The following INPP4A variants were observed in gnomAD, a reference collection of about 807,000 sequenced individuals.
INPP4A encodes the protein inositol polyphosphate-4-phosphatase, type I, 107kD.
A neutral mutation model predicts 119.8 loss-of-function variants in INPP4A; 33 were observed. The observed-to-expected ratio is 0.28, with a 90% CI of 0.21 to 0.37. The LOEUF is 0.37. INPP4A is among the 10% of genes least tolerant of loss of function. The pLI, the probability that INPP4A is intolerant of heterozygous loss-of-function variation, is 1.00. For synonymous variants in INPP4A, 496 were observed against 500.7 expected (o/e 0.99, Z 0.12); for missense variants, 956 against 1,289.9 (o/e 0.74, Z 3.97).
chr2:98,472,986 G>T lies in INPP4A; in HGVS notation c.-166+27901G>T, dbSNP rs372105240. Among the ~76,000 whole-genome samples the T allele has an allele frequency of 3.1e-4, 47 of 151,130 alleles. No individual in the cohort carries two copies. The East Asian group carries it at 6.6e-3, about 21-fold the overall frequency. ...GAGTGAGGAGGGCAGTGCGGGTGCA[G>T]TGTAGAGTGAGGAGGGCAGTGTGGG... On this transcript the variant is annotated intron_variant, in intron 1 of 24. Transcript: ENST00000409851.
chr2:98,484,442 C>T (rs374047827), intron 1 of INPP4A, among the ~76,000 whole-genome samples: 10 of 152,166 alleles, frequency 6.6e-5, no homozygotes, highest in African/African-American at 2.4e-4. Flanking sequence ...GCTCAAAGTC[C>T]AGAATGCAGT....
chr2:98,578,158 G>A (rs1163995746), intron 24 of INPP4A, among the ~76,000 whole-genome samples: 1 of 152,200 alleles, frequency 6.6e-6, no homozygotes, highest in Non-Finnish European at 1.5e-5. Flanking sequence ...GCTCAGGGAA[G>A]CAATGGAGAC....
At chr2:98,483,422 TG>T (rs1305918136) in intron 1 of INPP4A, among the ~76,000 whole-genome samples, 1 of 152,190 alleles carries the variant, frequency 6.6e-6, no homozygotes, top group Non-Finnish European at 1.5e-5. Flanking sequence ...GCTGCAGGGC[TG>T]CCCCAGGCGG....
chr2:98,552,997 G>C lies in INPP4A; in HGVS notation c.1347+28G>C, dbSNP rs760051489. On this transcript the variant is annotated intron_variant, in intron 14 of 24. Transcript: ENST00000409851. ...AGGAGGGGTGCCCTGCTACATATGG[G>C]CTGGGGAGTTTCCTTGGGTTTCTGG... 9 of 1,570,608 alleles carry C rather than the reference G, an allele frequency of 5.7e-6. No homozygotes were observed. The South Asian group carries it at 1.1e-4, about 18-fold the overall frequency.
intron 1 of INPP4A, among the ~76,000 whole-genome samples, chr2:98,457,611 A>G (rs1165476959): frequency 6.6e-6 from 1 of 152,230 alleles, no homozygotes; most frequent in Admixed American, 6.5e-5. Flanking sequence ...GACTACTGTA[A>G]TGAATACAAA....
At chr2:98,463,371 G>A (rs2104684801) in intron 1 of INPP4A, among the ~76,000 whole-genome samples, 1 of 152,352 alleles carries the variant, frequency 6.6e-6, no homozygotes, top group African/African-American at 2.4e-5. Context: ...CTGTGATGGT[G>A]TCTCGCTGAG....
intron 1 of INPP4A, among the ~76,000 whole-genome samples, chr2:98,463,767 G>A (rs2104692718): frequency 6.6e-6 from 1 of 152,324 alleles, no homozygotes; most frequent in South Asian, 2.1e-4. Context: ...GGGCAGACCA[G>A]AGCCATGAGC....
At chr2:98,531,975 T>C (rs1231137573) in intron 4 of INPP4A, among the ~76,000 whole-genome samples, 2 of 152,198 alleles carry the variant, frequency 1.3e-5, no homozygotes, top group African/African-American at 4.8e-5. Flanking sequence ...ATGTGTATGC[T>C]AACAAAGGAG....
At position 98,572,812 on chromosome 2, in the gene INPP4A, C is replaced by T. The variant is rs1290460707; in HGVS notation, c.2519-3C>T. 6.5e-7 allele frequency: 1 copy of T among 1,548,522 alleles called. No homozygotes were observed. Among genetic ancestry groups the T allele is most frequent in the Middle Eastern group, 1.8e-4 (1 of 5,528 alleles). ...ACTCCCACGAACTCCTTTTCTCTTC[C>T]AGGCCTGCCTCGGTCTCGCAGTCAG... On this transcript the variant is annotated splice_polypyrimidine_tract_variant and splice_region_variant and intron_variant, in intron 22 of 24. Transcript: ENST00000409851.
chr2:98,465,411 C>T (rs1674534237), intron 1 of INPP4A, among the ~76,000 whole-genome samples: 1 of 152,238 alleles, frequency 6.6e-6, no homozygotes, highest in South Asian at 2.1e-4. Flanking sequence ...GCATTTGGGG[C>T]CTACCAGTGT....
intron 4 of INPP4A, among the ~76,000 whole-genome samples, chr2:98,531,792 C>T (rs1271738752): frequency 1.3e-5 from 2 of 152,210 alleles, no homozygotes; most frequent in African/African-American, 4.8e-5. Flanking sequence ...AGAATGTCAG[C>T]ACCACACTTA....
At chr2:98,494,812 G>A (rs1681600404) in intron 1 of INPP4A, among the ~76,000 whole-genome samples, 1 of 152,188 alleles carries the variant, frequency 6.6e-6, no homozygotes, top group African/African-American at 2.4e-5. Flanking sequence ...GTAGAACAAT[G>A]TATGCCCTAG....
Position 98,572,945 on chromosome 2 carries a change from G to C in INPP4A, c.2631+18G>C. On this transcript the variant is annotated intron_variant, in intron 23 of 24. Coordinates refer to ENST00000409851, the MANE Select transcript of INPP4A (RefSeq NM_001134225.2). Reference sequence around the variant, plus strand: ...CTGCTGAGGTACTGGTTACAGAGAGGAAAAGGAGGCTATTGCGGTGCCCAC... The same window carrying C: ...CTGCTGAGGTACTGGTTACAGAGAGCAAAAGGAGGCTATTGCGGTGCCCAC... The C allele has an allele frequency of 6.5e-7, 1 of 1,537,268 alleles. No individual in the cohort carries two copies. The highest frequency in any genetic ancestry group is 8.8e-7 in the Non-Finnish European group (1 of 1,132,434).
At chr2:98,482,607 C>G (rs988584430) in intron 1 of INPP4A, among the ~76,000 whole-genome samples, 2 of 152,224 alleles carry the variant, frequency 1.3e-5, no homozygotes, top group Non-Finnish European at 2.9e-5. Flanking sequence ...AGGTGTCTCC[C>G]CAGTGGGCCT....
chr2:98,558,243 A>G (rs1192919676), intron 16 of INPP4A, among the ~76,000 whole-genome samples: 1 of 152,184 alleles, frequency 6.6e-6, no homozygotes, highest in African/African-American at 2.4e-5. Context: ...ATCACCACAG[A>G]AGCTCATAAA....
intron 4 of INPP4A, among the ~76,000 whole-genome samples, chr2:98,522,554 C>T (rs1426383786): frequency 1.3e-5 from 2 of 151,568 alleles, no homozygotes; most frequent in African/African-American, 4.8e-5. Context: ...GAGAGTAAAT[C>T]CAGAAGGTCC....
intron 23 of INPP4A, among the ~76,000 whole-genome samples, chr2:98,576,561 CTG>C (rs1443977271): frequency 1.3e-5 from 2 of 152,192 alleles, no homozygotes; most frequent in African/African-American, 2.4e-5. Flanking sequence ...TGGCCCAGGA[CTG>C]TGGGCATCCT....
chr2:98,538,919 C>T lies in INPP4A; in HGVS notation c.608C>T (p.Thr203Met), dbSNP rs755466013. ...RMVLPVDESL[T>M]EALGIRSKYA... The stretch of plus-strand genomic sequence containing the variant: ...GTTCTTCCTGTCGATGAGAGCTTGA[C>T]GGAGGCGTTAGGAATCCGATCCAAA... Residue 203 changes from threonine to methionine, a missense_variant, in exon 9 of 25, where the codon ACG becomes ATG. Transcript: ENST00000409851. The T allele has an allele frequency of 9.3e-6, 15 of 1,610,406 alleles. No individual in the cohort carries two copies. The highest frequency in any genetic ancestry group is 8.9e-5 in the East Asian group (4 of 44,886).
At chr2:98,545,485 G>C (rs902690552) in intron 11 of INPP4A, among the ~76,000 whole-genome samples, 15 of 152,160 alleles carry the variant, frequency 9.9e-5, no homozygotes, top group African/African-American at 3.6e-4. Flanking sequence ...GGATGAGAAG[G>C]CCTCTTCATC....
Sources: gnomAD v4.1 joint callset for allele counts (sites outside exome capture counted in the v4.1 genomes callset) on GRCh38, gnomAD v4.1.1 for gene constraint, MANE v1.5 for transcripts, NCBI Gene and HGNC (gene_info 2026-07-23, HGNC 2026-07-21) for gene names.